The following SLC4A7 variants were observed in gnomAD, a reference collection of about 807,000 sequenced individuals.
SLC4A7 encodes the protein sodium bicarbonate cotransporter 3.
In SLC4A7, 51 loss-of-function variants were observed where a neutral mutation model predicts 137.6. That is an observed-to-expected ratio of 0.37 (90% CI 0.30 to 0.47). SLC4A7 has a LOEUF of 0.47. Among genes scored for constraint, SLC4A7 ranks in the 20% least tolerant of loss-of-function variants. SLC4A7 has a pLI of 1.00. For missense variants in SLC4A7, 1,247 were observed against 1,525.4 expected, an observed-to-expected ratio of 0.82 and a Z score of 3.04; for synonymous variants, 542 against 518.6, an observed-to-expected ratio of 1.05 and a Z score of -0.61.
intron 20 of SLC4A7, among the ~76,000 whole-genome samples, chr3:27,392,403 C>A (rs547100098): frequency 3.4e-4 from 51 of 152,220 alleles, no homozygotes; most frequent in African/African-American, 1.2e-3. Context: ...GCACTCTGAC[C>A]TAAGGGAGAA....
intron 1 of SLC4A7, among the ~76,000 whole-genome samples, chr3:27,465,731 G>A (rs1043019549): frequency 1.3e-4 from 19 of 151,738 alleles, no homozygotes; most frequent in South Asian, 2.1e-4. Context: ...AGGCCGAGGC[G>A]GACGAATCAC....
At chr3:27,406,322 T>G (rs1238090517) in intron 13 of SLC4A7, among the ~76,000 whole-genome samples, 1 of 152,170 alleles carries the variant, frequency 6.6e-6, no homozygotes, top group Non-Finnish European at 1.5e-5. Flanking sequence ...AATGAATAGG[T>G]AGCAATTCTC....
intron 3 of SLC4A7, among the ~76,000 whole-genome samples, chr3:27,441,040 C>T (rs923599338): frequency 1.3e-5 from 2 of 151,388 alleles, no homozygotes; most frequent in Admixed American, 6.6e-5. Context: ...AGTGAGACTC[C>T]GTCTCAAAAA....
At chr3:27,425,535 G>T (rs1018269002) in intron 7 of SLC4A7, among the ~76,000 whole-genome samples, 14 of 149,442 alleles carry the variant, frequency 9.4e-5, no homozygotes, top group Admixed American at 3.3e-4. Flanking sequence ...AATTAGCCTG[G>T]CGTGGTGGAG....
At chr3:27,432,396 ATTT>A (rs1256235373) in intron 6 of SLC4A7, among the ~76,000 whole-genome samples, 1 of 152,180 alleles carries the variant, frequency 6.6e-6, no homozygotes, top group Admixed American at 6.5e-5. Flanking sequence ...AATACATATA[ATTT>A]TTTATTTCAC....
chr3:27,443,586 T>C lies in SLC4A7; in HGVS notation c.289+5065A>G, dbSNP rs533452138. Among the ~76,000 whole-genome samples the C allele has an allele frequency of 5.3e-5, 8 of 152,302 alleles. No individual in the cohort carries two copies. The East Asian group carries it at 1.5e-3, about 29-fold the overall frequency. On this transcript the variant is annotated intron_variant, in intron 3 of 25. Coordinates refer to ENST00000454389, the MANE Select transcript of SLC4A7 (RefSeq NM_001321103.2). ...GCCCTATTTTTTTTCCTTAGTTTCT[T>C]AGCTAGAAGTTTAAGTCACTGATTT...
At position 27,465,968 on chromosome 3, in the gene SLC4A7, AAAG is replaced by A. The variant is rs1438106687; in HGVS notation, c.61-13473_61-13471del. Among the ~76,000 whole-genome samples the A allele has an allele frequency of 1.3e-3, 142 of 111,340 alleles. No homozygotes were observed. The Middle Eastern group carries it at 0.018, about 14-fold the overall frequency. 73.0% of individuals were successfully genotyped at this position (111,340 alleles called of 152,430 possible). On this transcript the variant is annotated intron_variant, in intron 1 of 25. Transcript: ENST00000454389. Reference sequence around the variant, plus strand: ...GAGTCCGTCTCAAAAAAAAAAAAAGAAAGAAAGAAAGAAAGAAAACTGTACAGG... The same window carrying A: ...GAGTCCGTCTCAAAAAAAAAAAAAGAAAAGAAAGAAAGAAAACTGTACAGG...
intron 1 of SLC4A7, among the ~76,000 whole-genome samples, chr3:27,460,949 C>T (rs1164013794): frequency 1.3e-5 from 2 of 152,036 alleles, no homozygotes; most frequent in African/African-American, 4.8e-5. Context: ...ACCTTTACAA[C>T]ATGACTCAAG....
intron 13 of SLC4A7, among the ~76,000 whole-genome samples, chr3:27,407,855 T>C (rs989529194): frequency 4.6e-5 from 7 of 152,120 alleles, no homozygotes; most frequent in African/African-American, 1.7e-4. Context: ...TCCTCTATTC[T>C]ATTTCAACCT....
At chr3:27,426,880 A>G (rs576132213) in intron 7 of SLC4A7, among the ~76,000 whole-genome samples, 1 of 145,862 alleles carries the variant, frequency 6.9e-6, no homozygotes, top group African/African-American at 2.4e-5. Context: ...CACAATGAGC[A>G]AATTACAAAA....
intron 1 of SLC4A7, chr3:27,456,558 G>T: frequency 1.1e-6 from 1 of 879,546 alleles, no homozygotes. Context: ...CTAAGCCAGT[G>T]CTAATAAGCC....
rs1559601307 is a variant in SLC4A7 at position 27,375,676 on chromosome 3, C to G, written c.*1088G>C. ...CAATTTACTCTATTTGTTACTTTTC[C>G]AAATGTTTATATAATATTTAAGCAT... On this transcript the variant is annotated 3_prime_UTR_variant, in exon 26 of 26. Transcript: ENST00000454389. The G allele has an allele frequency of 1.3e-5, 2 of 152,196 alleles. No homozygotes were observed. Among genetic ancestry groups the G allele is most frequent in the Non-Finnish European group, 2.9e-5 (2 of 67,836 alleles). The allele number at this position is 152,196 out of a possible 1,614,324, so 9.4% of individuals were successfully genotyped here. A position where few individuals can be genotyped will look rare whatever the true frequency, so the allele number is the denominator to read the frequency against.
intron 7 of SLC4A7, among the ~76,000 whole-genome samples, chr3:27,429,278 A>G (rs1576405686): frequency 6.6e-6 from 1 of 152,260 alleles, no homozygotes; most frequent in East Asian, 1.9e-4. Flanking sequence ...ACAAAAAAAA[A>G]AGAGTTATAA....
At position 27,431,511 on chromosome 3, in the gene SLC4A7, G is replaced by T. The variant is rs916416250; in HGVS notation, c.937C>A (p.Pro313Thr). ...GAAGGAGGACTGTTTTGAGGGGTGGGTACTGGGGTTGTACACCTTGAGCCT... is the reference window on the plus strand; with the variant it reads ...GAAGGAGGACTGTTTTGAGGGGTGGTTACTGGGGTTGTACACCTTGAGCCT... ...PAGSRCTTPV[P>T]TPQNSPPSSP... is the part of the protein sequence containing the mutation. Residue 313 changes from proline (P) to threonine (T), a missense_variant, in exon 7 of 26, where the codon CCC becomes ACC. Around this residue, in one of 6 missense-constraint regions of SLC4A7, gnomAD observed 223 missense variants for 203.6 expected, o/e 1.10. Transcript: ENST00000454389. The T allele has an allele frequency of 1.2e-6, 2 of 1,614,070 alleles. No individual in the cohort carries two copies. Among genetic ancestry groups the T allele is most frequent in the Admixed American group, 3.3e-5 (2 of 60,006 alleles).
chr3:27,440,638 G>C (rs2057117394), intron 3 of SLC4A7, among the ~76,000 whole-genome samples: 1 of 152,098 alleles, frequency 6.6e-6, no homozygotes, highest in Non-Finnish European at 1.5e-5. Context: ...TGAGGCAGGA[G>C]AATCACTTGA....
Position 27,404,955 on chromosome 3 carries a change from T to C in SLC4A7, c.1950A>G (p.Ile650Met). Residue 650 changes from isoleucine (I) to methionine (M), a missense_variant, in exon 14 of 26, where the codon ATA (isoleucine) becomes ATG (methionine). Coordinates refer to ENST00000454389, the MANE Select transcript of SLC4A7 (RefSeq NM_001321103.2). ...TTAATGATGCTCCAAAAAGAGACTC[T>C]ATTGCACTCTGTTTAAGGAAAAAAG... is the stretch of plus-strand genomic sequence containing the variant. ...GEATEGRISA[I>M]ESLFGASLTG... 6.3e-7 allele frequency: 1 copy of C among 1,583,554 alleles called. No individual in the cohort carries two copies. Among genetic ancestry groups the C allele is most frequent in the Non-Finnish European group, 8.5e-7 (1 of 1,171,520 alleles).
intron 3 of SLC4A7, among the ~76,000 whole-genome samples, chr3:27,441,051 A>T (rs2057153689): frequency 6.6e-6 from 1 of 152,174 alleles, no homozygotes; most frequent in Admixed American, 6.5e-5. Flanking sequence ...GTCTCAAAAA[A>T]ATATATAACA....
At chr3:27,473,079 C>CA (rs35807931) in intron 1 of SLC4A7, among the ~76,000 whole-genome samples, 23,421 of 131,376 alleles carry the variant, frequency 0.18, 2,095 homozygotes, top group South Asian at 0.3. Flanking sequence ...GACTCTGTCT[C>CA]AAAAAAAAAA....
At chr3:27,449,257 A>C (rs6782106) in intron 2 of SLC4A7, among the ~76,000 whole-genome samples, 3 of 151,684 alleles carry the variant, frequency 2.0e-5, no homozygotes, top group Non-Finnish European at 4.4e-5. Flanking sequence ...CTATGTAGAC[A>C]TATATTTATT....
Sources: gnomAD v4.1 joint callset for allele counts (sites outside exome capture counted in the v4.1 genomes callset) on GRCh38, gnomAD v4.1.1 for gene constraint, gnomAD v4.1.1 regional missense constraint, MANE v1.5 for transcripts, NCBI Gene and HGNC (gene_info 2026-07-23, HGNC 2026-07-21) for gene names.